Variants in TLE1 observed in about 807,000 individuals in gnomAD.
The protein encoded by TLE1 is TLE family member 1, transcriptional corepressor.
A neutral mutation model predicts 89.8 loss-of-function variants in TLE1; 21 were observed. The observed-to-expected ratio is 0.23, with a 90% CI of 0.17 to 0.34. The LOEUF (loss-of-function observed/expected upper bound fraction) is 0.34. TLE1 is among the 10% of genes least tolerant of loss of function. The pLI, the probability that TLE1 is intolerant of heterozygous loss-of-function variation, is 1.00. For synonymous variants in TLE1, 447 were observed against 407.6 expected, an observed-to-expected ratio of 1.10 and a Z score of -1.16; for missense variants, 795 against 1,031.2, an observed-to-expected ratio of 0.77 and a Z score of 3.14.
chr9:81,618,784 A>C (rs1350288694), intron 9 of TLE1, among the ~76,000 whole-genome samples: 1 of 152,236 alleles, frequency 6.6e-6, no homozygotes, highest in Non-Finnish European at 1.5e-5. Context: ...AAAGTAGCAA[A>C]CTATTCCTTT....
rs1827057920 is a variant in TLE1, at chr9:81,634,102, T to C, written c.572A>G (p.His191Arg). The change falls in exon 7 of 20, where the codon CAC becomes CGC. Residue 191 changes from histidine (H) to arginine (R), a missense_variant. Physicochemically the swap from His to Arg is conservative, Grantham distance 29. This residue lies in a region of TLE1 where 468 missense variants were observed against 509.1 expected (regional missense o/e 0.92). Coordinates refer to ENST00000376499, the MANE Select transcript of TLE1 (RefSeq NM_005077.5). ...DDKKHHDAEH[H>R]RDREPGTSNS... ...TGGCTTGCCCGGCCTCTCACCTCTGTGGTGCTCTGCATCGTGGTGCTTCTT... is the reference window on the plus strand; with the variant it reads ...TGGCTTGCCCGGCCTCTCACCTCTGCGGTGCTCTGCATCGTGGTGCTTCTT... 1 of 1,607,648 alleles carries C rather than the reference T, an allele frequency of 6.2e-7. No homozygotes were observed. Among genetic ancestry groups the C allele is most frequent in the Non-Finnish European group, 8.5e-7 (1 of 1,176,606 alleles).
At chr9:81,684,409 TCA>T (rs1365279886) in intron 4 of TLE1, among the ~76,000 whole-genome samples, 22 of 152,104 alleles carry the variant, frequency 1.4e-4, no homozygotes, top group Non-Finnish European at 2.9e-4. Flanking sequence ...GCCCTGAAAA[TCA>T]CAATCTCTTT....
chr9:81,686,288 A>T (rs1378467608), intron 2 of TLE1, among the ~76,000 whole-genome samples: 1 of 152,204 alleles, frequency 6.6e-6, no homozygotes, highest in African/African-American at 2.4e-5. Flanking sequence ...TTGCCAACTC[A>T]AACGGTCTCT....
chr9:81,670,428 T>C (rs796827239), intron 4 of TLE1, among the ~76,000 whole-genome samples: 38 of 152,116 alleles, frequency 2.5e-4, no homozygotes, highest in African/African-American at 8.4e-4. Context: ...CGGGCTCAAG[T>C]GATTCTTCTG....
intron 14 of TLE1, chr9:81,600,140 G>A (rs1830722872): frequency 5.5e-6 from 4 of 726,866 alleles, no homozygotes; most frequent in East Asian, 5.0e-5. Context: ...AGATACAAAT[G>A]GAGAAATTCT....
chr9:81,654,877 C>T (rs1004674237), intron 4 of TLE1, among the ~76,000 whole-genome samples: 3 of 152,204 alleles, frequency 2.0e-5, no homozygotes, highest in African/African-American at 7.2e-5. Context: ...AAGTCTCAAA[C>T]TTTCAAACAA....
chr9:81,676,774 G>A (rs932550180), intron 4 of TLE1, among the ~76,000 whole-genome samples: 3 of 152,204 alleles, frequency 2.0e-5, no homozygotes, highest in Admixed American at 1.3e-4. Flanking sequence ...TTCCAGGGCT[G>A]GAGTTCCCAG....
At chr9:81,680,679 T>C (rs1033089330) in intron 4 of TLE1, among the ~76,000 whole-genome samples, 1 of 152,090 alleles carries the variant, frequency 6.6e-6, no homozygotes, top group East Asian at 1.9e-4. Flanking sequence ...CACCTCGGAA[T>C]CTAGGCTCTA....
At chr9:81,656,115 T>C (rs1830123998) in intron 4 of TLE1, among the ~76,000 whole-genome samples, 1 of 152,106 alleles carries the variant, frequency 6.6e-6, no homozygotes, top group Non-Finnish European at 1.5e-5. Flanking sequence ...TGCATGACCT[T>C]GCTTTAGCCA....
rs777527591 is a variant in TLE1 at position 81,688,290 on chromosome 9, T to G, written c.-50A>C. 1.3e-6 allele frequency: 2 copies of G among 1,519,974 alleles called. No individual in the cohort carries two copies. The highest frequency in any genetic ancestry group is 8.8e-7 in the Non-Finnish European group (1 of 1,138,650). The allele number at this position is 1,519,974 out of a possible 1,614,324, so 94.2% of individuals were successfully genotyped here. A position where few individuals can be genotyped will look rare whatever the true frequency, so the allele number is the denominator to read the frequency against. On this transcript the variant is annotated 5_prime_UTR_variant, in exon 1 of 20. Coordinates refer to ENST00000376499, the MANE Select transcript of TLE1 (RefSeq NM_005077.5). ...GTTCCCCGGCAACTCAATTCTCCGG[T>G]CAATTTCCAACTTTAATCCCGCCGA...
intron 4 of TLE1, among the ~76,000 whole-genome samples, chr9:81,675,119 T>C (rs1310507503): frequency 6.6e-6 from 1 of 152,172 alleles, no homozygotes; most frequent in African/African-American, 2.4e-5. Context: ...AAATTCCCCA[T>C]ATTATTAATT....
At chr9:81,644,537 A>G (rs1248973419) in intron 6 of TLE1, among the ~76,000 whole-genome samples, 1 of 152,190 alleles carries the variant, frequency 6.6e-6, no homozygotes, top group African/African-American at 2.4e-5. Context: ...GGATAAGCAC[A>G]TTGGTAGCAG....
intron 5 of TLE1, among the ~76,000 whole-genome samples, chr9:81,653,399 T>C (rs143722394): frequency 0.013 from 2,022 of 152,344 alleles, 29 homozygotes; most frequent in African/African-American, 0.036. Context: ...GTCAGTTTCA[T>C]AGATTACTCA....
intron 14 of TLE1, among the ~76,000 whole-genome samples, chr9:81,609,266 G>C (rs531058130): frequency 6.6e-6 from 1 of 152,180 alleles, no homozygotes; most frequent in Non-Finnish European, 1.5e-5. Flanking sequence ...TGTATTTTTA[G>C]TAGAGACGGG....
chr9:81,675,698 G>GTTTTTTGTT (rs1832788754), intron 4 of TLE1, among the ~76,000 whole-genome samples: 1 of 129,666 alleles, frequency 7.7e-6, no homozygotes, highest in Non-Finnish European at 1.6e-5. Flanking sequence ...ACTCACACTA[G>GTTTTTTGTT]TTTTTTTTTG....
chr9:81,614,418 A>G (rs1824145523), intron 11 of TLE1, among the ~76,000 whole-genome samples: 1 of 152,204 alleles, frequency 6.6e-6, no homozygotes, highest in Non-Finnish European at 1.5e-5. Context: ...ACTGAACACC[A>G]GCAAGGGGCC....
chr9:81,650,225 T>C (rs1408136810), intron 6 of TLE1, among the ~76,000 whole-genome samples: 2 of 152,230 alleles, frequency 1.3e-5, no homozygotes, highest in Non-Finnish European at 2.9e-5. Context: ...CAGCTCAAAA[T>C]GGGTATTACC....
chr9:81,637,179 G>A, intron 6 of TLE1, among the ~76,000 whole-genome samples: 1 of 152,116 alleles, frequency 6.6e-6, no homozygotes, highest in South Asian at 2.1e-4. Context: ...CCAACATAGT[G>A]AAACCCTGTC....
chr9:81,662,692 C>T lies in TLE1; in HGVS notation c.235-8656G>A, dbSNP rs555051210. On this transcript the variant is annotated intron_variant, in intron 4 of 19. Transcript: ENST00000376499. ...CAGCCTGGGCAACAAAAGTGAAACT[C>T]CGTATCAAAAAAAAAAAATTAGCAA... Among the ~76,000 whole-genome samples, 4 of 150,020 alleles carry T rather than the reference C, an allele frequency of 2.7e-5. No homozygotes were observed. The East Asian group carries it at 7.8e-4, about 29-fold the overall frequency.
Sources: gnomAD v4.1 joint callset for allele counts (sites outside exome capture counted in the v4.1 genomes callset) on GRCh38, gnomAD v4.1.1 for gene constraint, gnomAD v4.1.1 regional missense constraint, MANE v1.5 for transcripts, NCBI Gene and HGNC (gene_info 2026-07-23, HGNC 2026-07-21) for gene names.